Variants in FAM174A observed in about 807,000 individuals in gnomAD.
The protein encoded by FAM174A is membrane protein FAM174A.
FAM174A carries 14 observed loss-of-function variants against 14.3 expected under a neutral mutation model. That is an observed-to-expected ratio of 0.98 (90% CI 0.65 to 1.53). The LOEUF is 1.53. Among genes scored for constraint, FAM174A ranks in the 40% most tolerant of loss-of-function variants. The pLI is 0.00. For missense variants in FAM174A, 241 were observed against 249.6 expected (o/e 0.97, Z 0.23); for synonymous variants, 108 against 111.4 (o/e 0.97, Z 0.19).
intron 2 of FAM174A, among the ~76,000 whole-genome samples, chr5:100,582,318 C>A (rs925761708): frequency 6.6e-6 from 1 of 151,804 alleles, no homozygotes; most frequent in Non-Finnish European, 1.5e-5. Context: ...TTATCTTATA[C>A]TAATCATTTA....
intron 1 of FAM174A, among the ~76,000 whole-genome samples, chr5:100,537,598 ATAT>A (rs1745966033): frequency 6.6e-6 from 1 of 152,214 alleles, no homozygotes. Flanking sequence ...GCTGTAAGAA[ATAT>A]TATTTGAGCT....
chr5:100,559,837 T>A (rs1284310806), intron 1 of FAM174A, among the ~76,000 whole-genome samples: 1 of 152,138 alleles, frequency 6.6e-6, no homozygotes, highest in Non-Finnish European at 1.5e-5. Flanking sequence ...GTTATTCTAG[T>A]TAGCCATTTG....
intron 2 of FAM174A, among the ~76,000 whole-genome samples, chr5:100,571,688 A>ATATATG (rs1484633531): frequency 6.8e-6 from 1 of 147,316 alleles, no homozygotes; most frequent in African/African-American, 2.5e-5. Context: ...ATATATATAT[A>ATATATG]TATACACACA....
intron 2 of FAM174A, among the ~76,000 whole-genome samples, chr5:100,572,250 CTT>C (rs1222146190): frequency 8.2e-5 from 9 of 109,504 alleles, no homozygotes; most frequent in African/African-American, 3.0e-4. Context: ...TTTTTTACGT[CTT>C]TTTTTTTTTT....
chr5:100,567,002 A>G (rs535444163), intron 2 of FAM174A, among the ~76,000 whole-genome samples: 1 of 151,994 alleles, frequency 6.6e-6, no homozygotes, highest in East Asian at 1.9e-4. Flanking sequence ...CAGTTACAGC[A>G]GGAAAGGCAG....
At chr5:100,578,264 G>A (rs1006543357) in intron 2 of FAM174A, among the ~76,000 whole-genome samples, 1 of 152,078 alleles carries the variant, frequency 6.6e-6, no homozygotes, top group Admixed American at 6.5e-5. Flanking sequence ...AGACTGAAGT[G>A]CTTCTTGAGC....
chr5:100,559,228 T>C (rs1746471502), intron 1 of FAM174A, among the ~76,000 whole-genome samples: 1 of 152,226 alleles, frequency 6.6e-6, no homozygotes, highest in Admixed American at 6.5e-5. Flanking sequence ...AAATTCGTGG[T>C]TGAAAATTCT....
intron 2 of FAM174A, among the ~76,000 whole-genome samples, chr5:100,569,692 TTCTTTCATTAAAAGCAC>T (rs1193354685): frequency 6.6e-6 from 1 of 151,936 alleles, no homozygotes; most frequent in Non-Finnish European, 1.5e-5. Context: ...GATAGATTCA[TTCTTTCATTAAAAGCAC>T]TGATTAACTA....
At chr5:100,562,459 G>A (rs536690900) in intron 2 of FAM174A, among the ~76,000 whole-genome samples, 1 of 151,786 alleles carries the variant, frequency 6.6e-6, no homozygotes, top group East Asian at 1.9e-4. Flanking sequence ...GGGTACAAGT[G>A]CAGGGTCGTT....
At chr5:100,538,710 G>A (rs1257062239) in intron 1 of FAM174A, among the ~76,000 whole-genome samples, 3 of 152,100 alleles carry the variant, frequency 2.0e-5, no homozygotes, top group Non-Finnish European at 4.4e-5. Context: ...CACTCTTCAT[G>A]TATTATATTG....
At chr5:100,566,707 TTAAGG>T (rs1220825069) in intron 2 of FAM174A, among the ~76,000 whole-genome samples, 1 of 151,844 alleles carries the variant, frequency 6.6e-6, no homozygotes, top group African/African-American at 2.4e-5. Flanking sequence ...CATCATAACA[TTAAGG>T]TAAACACCTT....
intron 1 of FAM174A, among the ~76,000 whole-genome samples, chr5:100,541,273 G>A (rs1668844776): frequency 6.6e-6 from 1 of 152,152 alleles, no homozygotes; most frequent in African/African-American, 2.4e-5. Context: ...GAATGTGGCA[G>A]CAAGAGCTGA....
At chr5:100,567,589 A>G (rs1188374413) in intron 2 of FAM174A, among the ~76,000 whole-genome samples, 1 of 151,950 alleles carries the variant, frequency 6.6e-6, no homozygotes. Flanking sequence ...AAAACAGTAC[A>G]AAATATTCTA....
intron 2 of FAM174A, among the ~76,000 whole-genome samples, chr5:100,576,142 G>T (rs939039954): frequency 2.0e-5 from 3 of 152,020 alleles, no homozygotes; most frequent in African/African-American, 7.2e-5. Context: ...AACAATGATT[G>T]TTATTGGTCA....
At chr5:100,574,757 G>A (rs1212072549) in intron 2 of FAM174A, among the ~76,000 whole-genome samples, 1 of 152,146 alleles carries the variant, frequency 6.6e-6, no homozygotes, top group African/African-American at 2.4e-5. Flanking sequence ...AAAAGCCAGA[G>A]CAGAAAAGAA....
At chr5:100,540,721 C>T (rs1241464705) in intron 1 of FAM174A, among the ~76,000 whole-genome samples, 1 of 151,986 alleles carries the variant, frequency 6.6e-6, no homozygotes, top group Non-Finnish European at 1.5e-5. Flanking sequence ...GATCATAATC[C>T]CTGATATGAT....
chr5:100,580,253 TA>T (rs909116472), intron 2 of FAM174A, among the ~76,000 whole-genome samples: 20 of 145,122 alleles, frequency 1.4e-4, no homozygotes, highest in Non-Finnish European at 2.7e-4. Context: ...TCAGAGATGT[TA>T]AAATGTGAAA....
rs76394005 is a variant in FAM174A at position 100,583,541 on chromosome 5, C to T, written c.570-2640C>T. On this transcript the variant is annotated intron_variant, in intron 2 of 2. Coordinates refer to ENST00000312637, the MANE Select transcript of FAM174A (RefSeq NM_198507.3). ...CATGTGGCACTGGTTCAGAAGCACT[C>T]ATCTCCATCAAGTCATTTTCTGTTC... 5.3e-3 allele frequency among the ~76,000 whole-genome samples: 803 copies of T among 152,274 alleles called. 4 individuals carry two copies. The highest frequency in any genetic ancestry group is 0.019 in the African/African-American group (780 of 41,540).
intron 1 of FAM174A, among the ~76,000 whole-genome samples, chr5:100,560,415 C>A (rs1746499829): frequency 6.6e-6 from 1 of 151,998 alleles, no homozygotes; most frequent in Non-Finnish European, 1.5e-5. Context: ...ATTTACTGAC[C>A]CTTTCATTGG....
Sources: gnomAD v4.1 joint callset for allele counts (sites outside exome capture counted in the v4.1 genomes callset) on GRCh38, gnomAD v4.1.1 for gene constraint, MANE v1.5 for transcripts, NCBI Gene and HGNC (gene_info 2026-07-23, HGNC 2026-07-21) for gene names.